Variants in CIRBP observed in about 807,000 individuals in gnomAD.
The protein encoded by CIRBP is cold inducible RNA binding protein.
A neutral mutation model predicts 22.3 loss-of-function variants in CIRBP; 11 were observed. The observed-to-expected ratio is 0.49, with a 90% confidence interval of 0.31 to 0.82. The LOEUF (loss-of-function observed/expected upper bound fraction) is 0.82, where lower values mean the gene tolerates loss of function less well. Among genes scored for constraint, CIRBP ranks in the 40% least tolerant of loss-of-function variants. The pLI, the probability that CIRBP is intolerant of heterozygous loss-of-function variation, is 0.05. For missense variants in CIRBP, 456 were observed against 402.7 expected (o/e 1.13, Z -1.13); for synonymous variants, 216 against 158.8 (o/e 1.36, Z -2.71).
rs766122287 is a variant in CIRBP at position 1,271,474 on chromosome 19, G to T, written c.349+7G>T. On this transcript the variant is annotated splice_region_variant and intron_variant, in intron 4 of 5. Transcript: ENST00000587896. ...GGCCGTGGGTTCTCTAGAGGTGAGT[G>T]CCATGAGTGGGTCCCTTGGGGATGC... The T allele has an allele frequency of 1.9e-6, 3 of 1,605,308 alleles. No homozygotes were observed. In the African/African-American group the frequency reaches 4.0e-5, roughly 21 times the overall value.
Position 1,271,391 on chromosome 19 carries a change from T to G in CIRBP, c.273T>G (p.Arg91=). ...GCAAGTCGTCAGACAACCGATCCCG[T>G]GGGTACCGTGGTGGCTCTGCCGGGG... ...QAGKSSDNRS[R]GYRGGSAGGR... Residue 91 remains arginine, a synonymous_variant, in exon 4 of 6, where the codon CGT becomes CGG. Coordinates refer to ENST00000587896, the MANE Select transcript of CIRBP (RefSeq NM_001300829.2). 1 of 1,613,826 alleles carries G rather than the reference T, an allele frequency of 6.2e-7. No homozygotes were observed. Among genetic ancestry groups the G allele is most frequent in the East Asian group, 2.2e-5 (1 of 44,886 alleles).
chr19:1,271,911 G>T, intron 5 of CIRBP, 70 bp from the exon 6 acceptor site: 1 of 1,393,398 alleles, frequency 7.2e-7, no homozygotes, highest in Non-Finnish European at 1.0e-6. Context: ...GGGGCTGGCG[G>T]CTCAGCCTGT....
At position 1,272,373 on chromosome 19, in the gene CIRBP, A is replaced by G. The variant is rs748751827; in HGVS notation, c.824A>G (p.Lys275Arg). ...RPRPGLASGV[K>R]LPLVASVPLH... ...CGCCCTGGTCTGGCCTCTGGGGTGA[A>G]GCTGCCTCTTGTTGCTTCGGTGCCT... is the stretch of plus-strand genomic sequence containing the variant. The change falls in exon 6 of 6, where the codon AAG becomes AGG. Residue 275 changes from lysine (K) to arginine (R), a missense_variant. By Grantham distance (26) the Lys-to-Arg change is conservative (BLOSUM62 2). Transcript: ENST00000587896. The G allele has an allele frequency of 5.0e-6, 8 of 1,604,900 alleles. No individual in the cohort carries two copies. Among genetic ancestry groups the G allele is most frequent in the Non-Finnish European group, 6.8e-6 (8 of 1,176,188 alleles).
chr19:1,271,631 A>G lies in CIRBP; in HGVS notation c.430A>G (p.Ser144Gly). 1 of 1,518,634 alleles carries G rather than the reference A, an allele frequency of 6.6e-7. No individual in the cohort carries two copies. The highest frequency in any genetic ancestry group is 8.9e-7 in the Non-Finnish European group (1 of 1,119,932). The allele number at this position is 1,518,634 out of a possible 1,614,324, so 94.1% of individuals were successfully genotyped here. ...CGGAGGCTCCAGAGACTACTATAGCAGGTGAGGGGGAGGCCGGCCCAAGCA... is the reference window on the plus strand; with the variant it reads ...CGGAGGCTCCAGAGACTACTATAGCGGGTGAGGGGGAGGCCGGCCCAAGCA... ...GYGGSRDYYS[S>G]RSQSGGYSDR... Residue 144 changes from serine to glycine, a missense_variant and splice_region_variant, in exon 5 of 6, where the codon AGC becomes GGC. This residue lies in a region of CIRBP where 426 missense variants were observed against 339.6 expected (regional missense o/e 1.25). Coordinates refer to ENST00000587896, the MANE Select transcript of CIRBP (RefSeq NM_001300829.2).
chr19:1,270,022 C>T (rs752529721), intron 1 of CIRBP: 12 of 519,686 alleles, frequency 2.3e-5, no homozygotes, highest in Admixed American at 1.4e-4. Context: ...TGGGTGGCGG[C>T]CATTCCCAGC....
intron 1 of CIRBP, 95 bp downstream of exon 1, chr19:1,269,505 G>A (rs1445250319): frequency 6.5e-6 from 1 of 152,890 alleles, no homozygotes; most frequent in Non-Finnish European, 1.4e-5. Context: ...ACGCCCCTGG[G>A]AGGGGGCGGG....
In CIRBP at chr19:1,274,433, T is replaced by C; in HGVS notation, c.*1990T>C. 4 of 399,064 alleles carry C rather than the reference T, an allele frequency of 1.0e-5. No homozygotes were observed. The highest frequency in any genetic ancestry group is 7.1e-5 in the East Asian group (2 of 27,992). The allele number at this position is 399,064 out of a possible 1,614,324, so 24.7% of individuals were successfully genotyped here. On this transcript the variant is annotated 3_prime_UTR_variant, in exon 6 of 6. Coordinates refer to ENST00000587896, the MANE Select transcript of CIRBP (RefSeq NM_001300829.2). ...GAGGCAGCCGCTTGCCCAGGAGGCTTGTCCCCTGTAAGTGCTTTCGGGAAG... is the reference window on the plus strand; with the variant it reads ...GAGGCAGCCGCTTGCCCAGGAGGCTCGTCCCCTGTAAGTGCTTTCGGGAAG...
intron 2 of CIRBP, 27 bp downstream of exon 2, chr19:1,271,063 C>G (rs1376675972): frequency 6.2e-7 from 1 of 1,611,216 alleles, no homozygotes; most frequent in Non-Finnish European, 8.5e-7. Flanking sequence ...GCCCGCGGCC[C>G]TGGGCGGGGG....
At chr19:1,271,929 G>C (rs1383923071) in intron 5 of CIRBP, 52 bp from the exon 6 acceptor site, 2 of 1,513,882 alleles carry the variant, frequency 1.3e-6, no homozygotes, top group African/African-American at 1.4e-5. Context: ...TGTTGTGGCA[G>C]AGCAGAAGTA....
chr19:1,272,583 C>T lies in CIRBP; in HGVS notation c.*140C>T. The T allele has an allele frequency of 2.7e-6, 2 of 739,716 alleles. No homozygotes were observed. The highest frequency in any genetic ancestry group is 4.4e-6 in the Non-Finnish European group (2 of 451,374). The allele number at this position is 739,716 out of a possible 1,614,324, so 45.8% of individuals were successfully genotyped here. On this transcript the variant is annotated 3_prime_UTR_variant, in exon 6 of 6. Transcript: ENST00000587896. ...TCATTTCGGTTCTGATCTTGTCAAA[C>T]CCAGCCTGACCGCTTCTGACGCCGG...
intron 5 of CIRBP, 121 bp from the exon 6 acceptor site, chr19:1,271,860 C>T (rs2081346654): frequency 3.4e-6 from 3 of 877,072 alleles, no homozygotes; most frequent in African/African-American, 1.7e-5. Context: ...TGCTGCCCTG[C>T]TGGGGTCCTT....
intron 5 of CIRBP, 109 bp downstream of exon 5, chr19:1,271,741 A>G (rs2081344767): frequency 2.5e-6 from 2 of 796,090 alleles, no homozygotes; most frequent in Non-Finnish European, 4.0e-6. Context: ...GGCAAGGAGC[A>G]GAGGCAGGTG....
chr19:1,274,482 G>A lies in CIRBP; in HGVS notation c.*2039G>A. 1.3e-5 allele frequency: 5 copies of A among 392,942 alleles called. No homozygotes were observed. The highest frequency in any genetic ancestry group is 2.3e-5 in the Non-Finnish European group (5 of 221,734). 24.3% of individuals were successfully genotyped at this position (392,942 alleles called of 1,614,324 possible). ...AGAGTGGCATGTGGCGCTGAGCCCT[G>A]TCCCGGGCGGCACCTGGGCGTTTCA... On this transcript the variant is annotated 3_prime_UTR_variant, in exon 6 of 6. Coordinates refer to ENST00000587896, the MANE Select transcript of CIRBP (RefSeq NM_001300829.2).
chr19:1,269,678 C>G (rs913569631), intron 1 of CIRBP: 1 of 305,882 alleles, frequency 3.3e-6, no homozygotes, highest in Non-Finnish European at 6.4e-6. Context: ...ATGGCGGGAG[C>G]GCCGAGTTCC....
In CIRBP at chr19:1,272,468, CT is replaced by C; in HGVS notation, c.*27del. ...AAAACCCTTCCTGCTCAAGATCGTC[CT>C]TCCAATGGCTGTGTGTTTAAAGATT... On this transcript the variant is annotated 3_prime_UTR_variant, in exon 6 of 6. Coordinates refer to ENST00000587896, the MANE Select transcript of CIRBP (RefSeq NM_001300829.2). The C allele has an allele frequency of 1.3e-6, 2 of 1,497,872 alleles. No individual in the cohort carries two copies. The allele number at this position is 1,497,872 out of a possible 1,614,324, so 92.8% of individuals were successfully genotyped here. A position where few individuals can be genotyped will look rare whatever the true frequency, so the allele number is the denominator to read the frequency against.
rs765054031 is a variant in CIRBP, at chr19:1,270,921, G to GC, written c.-6-5dup. 1.2e-6 allele frequency: 2 copies of GC among 1,608,028 alleles called. No homozygotes were observed. Among genetic ancestry groups the GC allele is most frequent in the Non-Finnish European group, 8.5e-7 (1 of 1,174,546 alleles). The stretch of plus-strand genomic sequence containing the variant: ...CCTGTTGAGGATTTCATTGGTGTCT[G>GC]CCACAGGCCGCCATGGCATCAGATG... On this transcript the variant is annotated splice_polypyrimidine_tract_variant and splice_region_variant and intron_variant, in intron 1 of 5. Transcript: ENST00000587896.
Position 1,272,651 on chromosome 19 carries a change from T to G in CIRBP, c.*208T>G, listed in dbSNP as rs958605445. ...ACTTTTCTTTTTAAGGAAGTGCTGTTTTTTTTTGAGGGTTTTCAAAACATT... is the reference window on the plus strand; with the variant it reads ...ACTTTTCTTTTTAAGGAAGTGCTGTGTTTTTTTGAGGGTTTTCAAAACATT... On this transcript the variant is annotated 3_prime_UTR_variant, in exon 6 of 6. Transcript: ENST00000587896. The G allele has an allele frequency of 1.1e-5, 5 of 437,922 alleles. No individual in the cohort carries two copies. Among genetic ancestry groups the G allele is most frequent in the African/African-American group, 4.0e-5 (2 of 49,636 alleles). The allele number at this position is 437,922 out of a possible 1,614,324, so 27.1% of individuals were successfully genotyped here. A position where few individuals can be genotyped will look rare whatever the true frequency, so the allele number is the denominator to read the frequency against.
At position 1,271,153 on chromosome 19, in the gene CIRBP, A is replaced by G; in HGVS notation, c.117A>G (p.Lys39=). ...TCCCCTGCACAGTGGTGGTTGTGAA[A>G]GACAGGGAGACCCAGAGATCTCGGG... is the stretch of plus-strand genomic sequence containing the variant. ...YGQISEVVVV[K]DRETQRSRGF... Residue 39 remains lysine, a synonymous_variant, in exon 3 of 6, where the codon AAA becomes AAG. Coordinates refer to ENST00000587896, the MANE Select transcript of CIRBP (RefSeq NM_001300829.2). The G allele has an allele frequency of 6.2e-7, 1 of 1,614,036 alleles. No individual in the cohort carries two copies. The highest frequency in any genetic ancestry group is 8.5e-7 in the Non-Finnish European group (1 of 1,179,984).
Position 1,271,702 on chromosome 19 carries a change from C to G in CIRBP, c.431+70C>G. On this transcript the variant is annotated intron_variant, in intron 5 of 5. Coordinates refer to ENST00000587896, the MANE Select transcript of CIRBP (RefSeq NM_001300829.2). Reference sequence around the variant, plus strand: ...CCAGCTTCCGTCCCGGGTCCCAGGTCCCTGGGGGAGCTGAGATGAGACTGG... The same window carrying G: ...CCAGCTTCCGTCCCGGGTCCCAGGTGCCTGGGGGAGCTGAGATGAGACTGG... 4 of 1,031,446 alleles carry G rather than the reference C, an allele frequency of 3.9e-6. No individual in the cohort carries two copies. The South Asian group carries it at 4.5e-5, about 12-fold the overall frequency. 63.9% of individuals were successfully genotyped at this position (1,031,446 alleles called of 1,614,324 possible).
Sources: gnomAD v4.1 joint callset for allele counts on GRCh38, gnomAD v4.1.1 for gene constraint, gnomAD v4.1.1 regional missense constraint, MANE v1.5 for transcripts, NCBI Gene and HGNC (gene_info 2026-07-23, HGNC 2026-07-21) for gene names.